ALCAM: variants seen among roughly 807,000 people sequenced by gnomAD.
ALCAM encodes CD166 antigen.
A neutral mutation model predicts 70.9 loss-of-function variants in ALCAM; 30 were observed. That is an observed-to-expected ratio of 0.42 (90% CI 0.32 to 0.57). ALCAM has a LOEUF of 0.57. Among genes scored for constraint, ALCAM ranks in the 20% least tolerant of loss-of-function variants. The pLI is 0.11. For synonymous variants in ALCAM, 249 were observed against 242.5 expected, an observed-to-expected ratio of 1.03 and a Z score of -0.25; for missense variants, 591 against 695.1, an observed-to-expected ratio of 0.85 and a Z score of 1.68.
intron 1 of ALCAM, among the ~76,000 whole-genome samples, chr3:105,486,959 T>C (rs1938446450): frequency 6.6e-6 from 1 of 151,288 alleles, no homozygotes; most frequent in Admixed American, 6.6e-5. Flanking sequence ...GCATAAGACA[T>C]TTATTTATTT....
intron 1 of ALCAM, among the ~76,000 whole-genome samples, chr3:105,393,194 A>G (rs951472361): frequency 1.3e-5 from 2 of 151,706 alleles, no homozygotes; most frequent in African/African-American, 2.4e-5. Context: ...CCATTCTTAT[A>G]TTAGTCTATG....
intron 1 of ALCAM, among the ~76,000 whole-genome samples, chr3:105,476,891 G>T (rs1168357317): frequency 6.6e-6 from 1 of 151,968 alleles, no homozygotes; most frequent in African/African-American, 2.4e-5. Flanking sequence ...GTTGTGGGAG[G>T]GAGTCAGGGG....
At chr3:105,464,163 A>G (rs1937650724) in intron 1 of ALCAM, among the ~76,000 whole-genome samples, 1 of 151,356 alleles carries the variant, frequency 6.6e-6, no homozygotes, top group Non-Finnish European at 1.5e-5. Context: ...ATTAGATAGT[A>G]TTGGTAAAAT....
chr3:105,434,861 C>T (rs1253701740), intron 1 of ALCAM, among the ~76,000 whole-genome samples: 19 of 152,100 alleles, frequency 1.2e-4, no homozygotes, highest in Admixed American at 9.8e-4. Context: ...AGTGATTATA[C>T]ATGTATATGT....
At chr3:105,461,328 A>T (rs1937602817) in intron 1 of ALCAM, among the ~76,000 whole-genome samples, 1 of 151,828 alleles carries the variant, frequency 6.6e-6, no homozygotes, top group Non-Finnish European at 1.5e-5. Context: ...CTAAAAATTG[A>T]AATTTTATGA....
intron 1 of ALCAM, among the ~76,000 whole-genome samples, chr3:105,401,554 A>T (rs1387403324): frequency 6.6e-6 from 1 of 152,206 alleles, no homozygotes; most frequent in Non-Finnish European, 1.5e-5. Flanking sequence ...ATCAGCATGG[A>T]ACTACCAACA....
chr3:105,498,408 C>G (rs1046153207), intron 1 of ALCAM, among the ~76,000 whole-genome samples: 1 of 152,052 alleles, frequency 6.6e-6, no homozygotes, highest in Admixed American at 6.6e-5. Context: ...ATTCAGGACC[C>G]AGGTCTCAAC....
intron 1 of ALCAM, among the ~76,000 whole-genome samples, chr3:105,477,653 ATGT>A (rs908225218): frequency 6.6e-6 from 1 of 152,058 alleles, no homozygotes; most frequent in Admixed American, 6.6e-5. Context: ...ATTGGGGGAA[ATGT>A]TGGCCATTAT....
chr3:105,462,743 C>A (rs1212295126), intron 1 of ALCAM, among the ~76,000 whole-genome samples: 2 of 151,212 alleles, frequency 1.3e-5, no homozygotes, highest in Non-Finnish European at 3.0e-5. Context: ...CATCATCAAG[C>A]AGTTGAAAGC....
chr3:105,453,920 T>A (rs1937494160), intron 1 of ALCAM, among the ~76,000 whole-genome samples: 1 of 152,202 alleles, frequency 6.6e-6, no homozygotes, highest in Non-Finnish European at 1.5e-5. Context: ...CACAGTGATT[T>A]TGTATCTTGA....
intron 1 of ALCAM, among the ~76,000 whole-genome samples, chr3:105,386,758 G>A (rs988241928): frequency 1.3e-5 from 2 of 151,312 alleles, no homozygotes; most frequent in African/African-American, 4.8e-5. Context: ...TTCCCATCAA[G>A]TTAGGAATAT....
chr3:105,547,550 CTGCACTTCGTCCAA>C (rs1366935399), intron 11 of ALCAM, 27 bp downstream of exon 11: 1 of 1,599,152 alleles, frequency 6.3e-7, no homozygotes, highest in East Asian at 2.2e-5. Context: ...TTGTTATATG[CTGCACTTCGTCCAA>C]TGCGTTTTTT....
chr3:105,372,373 T>C (rs1935257781), intron 1 of ALCAM, among the ~76,000 whole-genome samples: 1 of 152,114 alleles, frequency 6.6e-6, no homozygotes, highest in South Asian at 2.1e-4. Flanking sequence ...TATTATTGAA[T>C]AGAATACCTT....
chr3:105,498,046 G>T (rs9848591), intron 1 of ALCAM, among the ~76,000 whole-genome samples: 1 of 128,100 alleles, frequency 7.8e-6, no homozygotes, highest in African/African-American at 2.7e-5. Flanking sequence ...AAAAAAAAAA[G>T]GGGGGAAATT....
At chr3:105,465,666 G>T (rs1011543386) in intron 1 of ALCAM, among the ~76,000 whole-genome samples, 1 of 151,250 alleles carries the variant, frequency 6.6e-6, no homozygotes, top group African/African-American at 2.4e-5. Context: ...ATAATCCTCA[G>T]CAAGTTTAGG....
intron 11 of ALCAM, among the ~76,000 whole-genome samples, chr3:105,548,415 C>A (rs1940306495): frequency 6.6e-6 from 1 of 151,434 alleles, no homozygotes; most frequent in African/African-American, 2.4e-5. Context: ...TTTAAATCTT[C>A]TGTACTTCTC....
At chr3:105,477,328 T>C (rs1938148458) in intron 1 of ALCAM, among the ~76,000 whole-genome samples, 1 of 152,134 alleles carries the variant, frequency 6.6e-6, no homozygotes, top group African/African-American at 2.4e-5. Flanking sequence ...GCATTTCTAG[T>C]AATATAGGTC....
chr3:105,481,158 A>G (rs914312482), intron 1 of ALCAM, among the ~76,000 whole-genome samples: 67 of 152,130 alleles, frequency 4.4e-4, no homozygotes, highest in African/African-American at 1.5e-3. Flanking sequence ...TTACCCAGAA[A>G]GTTAAGGAAA....
intron 3 of ALCAM, 33 bp from the exon 4 acceptor site, chr3:105,531,969 A>G (rs766685490): frequency 6.3e-7 from 1 of 1,575,568 alleles, no homozygotes; most frequent in South Asian, 1.1e-5. Flanking sequence ...TTTCTTACAT[A>G]TGTACTTAAA....
Sources: gnomAD v4.1 joint callset for allele counts (sites outside exome capture counted in the v4.1 genomes callset) on GRCh38, gnomAD v4.1.1 for gene constraint, MANE v1.5 for transcripts, NCBI Gene and HGNC (gene_info 2026-07-23, HGNC 2026-07-21) for gene names.